The following FBXL17 variants were observed in gnomAD, a reference collection of about 807,000 sequenced individuals.
FBXL17 encodes F-box/LRR-repeat protein 17.
In FBXL17, 22 loss-of-function variants were observed where a neutral mutation model predicts 66.2. The observed-to-expected ratio is 0.33, with a 90% CI of 0.24 to 0.47. The LOEUF (loss-of-function observed/expected upper bound fraction) is 0.47. FBXL17 is among the 20% of genes least tolerant of loss of function. The probability of loss-of-function intolerance (pLI) is 1.00; values close to 1 mark genes in which losing one functional copy is unlikely to be tolerated. For synonymous variants in FBXL17, 474 were observed against 400.5 expected (o/e 1.18, Z -2.19); for missense variants, 878 against 948.2 (o/e 0.93, Z 0.97).
intron 4 of FBXL17, among the ~76,000 whole-genome samples, chr5:108,270,667 C>G (rs951763521): frequency 2.0e-5 from 3 of 151,672 alleles, no homozygotes; most frequent in Non-Finnish European, 4.4e-5. Context: ...GTTTCAAGTA[C>G]GTTAACAGTT....
At chr5:108,369,549 T>C (rs1032200852) in intron 1 of FBXL17, among the ~76,000 whole-genome samples, 2 of 152,230 alleles carry the variant, frequency 1.3e-5, no homozygotes, top group South Asian at 4.1e-4. Context: ...TGTACTATCA[T>C]TGCAATTTTT....
intron 7 of FBXL17, among the ~76,000 whole-genome samples, chr5:107,986,023 A>C (rs1224201062): frequency 6.6e-6 from 1 of 152,130 alleles, no homozygotes; most frequent in African/African-American, 2.4e-5. Flanking sequence ...AAACCTAACA[A>C]CTTAGAAAAG....
At chr5:108,306,415 G>A (rs191344569) in intron 4 of FBXL17, among the ~76,000 whole-genome samples, 221 of 152,142 alleles carry the variant, frequency 1.5e-3, no homozygotes, top group Non-Finnish European at 2.6e-3. Context: ...TTAAGAATAT[G>A]AATTTTGATG....
At chr5:108,366,131 G>A (rs529237059) in intron 2 of FBXL17, among the ~76,000 whole-genome samples, 1 of 152,070 alleles carries the variant, frequency 6.6e-6, no homozygotes, top group East Asian at 1.9e-4. Context: ...TAATTCATAG[G>A]TTGGAAAATA....
chr5:108,347,908 C>G (rs1747384958), intron 4 of FBXL17, among the ~76,000 whole-genome samples: 1 of 152,008 alleles, frequency 6.6e-6, no homozygotes, highest in Non-Finnish European at 1.5e-5. Flanking sequence ...CATGTATGTG[C>G]TTAAAATATA....
At chr5:107,940,624 T>C (rs1751059864) in intron 7 of FBXL17, among the ~76,000 whole-genome samples, 1 of 151,826 alleles carries the variant, frequency 6.6e-6, no homozygotes. Flanking sequence ...AGTTGGAGGG[T>C]GGGCGTGTAC....
At position 108,142,437 on chromosome 5, in the gene FBXL17, T is replaced by C. The variant is rs576641544; in HGVS notation, c.1745+43680A>G. Among the ~76,000 whole-genome samples the C allele has an allele frequency of 2.3e-3, 354 of 152,296 alleles. 5 individuals carry two copies. Among genetic ancestry groups the C allele is most frequent in the African/African-American group, 8.2e-3 (342 of 41,572 alleles). On this transcript the variant is annotated intron_variant, in intron 6 of 8. Transcript: ENST00000542267. ...AATAATAGAGTAAATGGTAAATCAG[T>C]TGGACTTGAATTTCTAGATGCTCCT...
intron 6 of FBXL17, among the ~76,000 whole-genome samples, chr5:108,050,168 A>T (rs1256743039): frequency 6.6e-6 from 1 of 152,238 alleles, no homozygotes; most frequent in East Asian, 1.9e-4. Context: ...TGTCAATATT[A>T]GATAGATTAA....
intron 6 of FBXL17, among the ~76,000 whole-genome samples, chr5:108,027,429 C>G (rs1314424789): frequency 6.6e-6 from 1 of 152,094 alleles, no homozygotes; most frequent in Non-Finnish European, 1.5e-5. Flanking sequence ...ACTAACTAAA[C>G]CTTACATAAC....
intron 4 of FBXL17, among the ~76,000 whole-genome samples, chr5:108,249,348 C>T (rs150089451): frequency 7.9e-5 from 12 of 152,188 alleles, no homozygotes; most frequent in East Asian, 3.9e-4. Flanking sequence ...GATATAAGAG[C>T]TCCGCACATT....
At chr5:107,938,769 A>T (rs112776208) in intron 7 of FBXL17, among the ~76,000 whole-genome samples, 10 of 152,236 alleles carry the variant, frequency 6.6e-5, no homozygotes, top group African/African-American at 2.4e-4. Context: ...CTTCTAGAAA[A>T]CAGCCAGATG....
chr5:108,002,421 T>G (rs989242328), intron 7 of FBXL17, among the ~76,000 whole-genome samples: 1 of 152,112 alleles, frequency 6.6e-6, no homozygotes, highest in African/African-American at 2.4e-5. Context: ...TCAACAGAGA[T>G]AGAAATGCTG....
chr5:108,207,035 A>G (rs962325378), intron 5 of FBXL17, among the ~76,000 whole-genome samples: 2 of 152,208 alleles, frequency 1.3e-5, no homozygotes, highest in African/African-American at 4.8e-5. Flanking sequence ...CATACCTATG[A>G]TACAGTTTAA....
At chr5:108,377,554 C>T (rs762577637) in intron 1 of FBXL17, among the ~76,000 whole-genome samples, 7 of 152,254 alleles carry the variant, frequency 4.6e-5, no homozygotes, top group Non-Finnish European at 1.0e-4. Context: ...CGCGAGAATG[C>T]TGTAGACTTG....
chr5:107,892,745 C>G (rs908684031), intron 7 of FBXL17, among the ~76,000 whole-genome samples: 12 of 152,134 alleles, frequency 7.9e-5, no homozygotes, highest in Admixed American at 3.3e-4. Flanking sequence ...AATTGTTTCT[C>G]CCTAACTGCA....
intron 7 of FBXL17, among the ~76,000 whole-genome samples, chr5:107,912,048 C>T (rs1448083704): frequency 6.6e-6 from 1 of 152,142 alleles, no homozygotes; most frequent in Non-Finnish European, 1.5e-5. Flanking sequence ...AAAATGGACA[C>T]TTTCTCATAC....
chr5:108,330,483 A>G lies in FBXL17; in HGVS notation c.1506+17916T>C, dbSNP rs554890051. Among the ~76,000 whole-genome samples, 5 of 152,354 alleles carry G rather than the reference A, an allele frequency of 3.3e-5. 1 individual carries two copies. The South Asian group carries it at 1.0e-3, about 32-fold the overall frequency. On this transcript the variant is annotated intron_variant, in intron 4 of 8. Coordinates refer to ENST00000542267, the MANE Select transcript of FBXL17 (RefSeq NM_001163315.3). The stretch of plus-strand genomic sequence containing the variant: ...TGTGAAACTTCTCAAACTACAACCC[A>G]AAACCTTCTAGGCCAACTGTTTTAT...
chr5:108,258,737 A>ATTT lies in FBXL17; in HGVS notation c.1507-34512_1507-34510dup, dbSNP rs759401052. Among the ~76,000 whole-genome samples the ATTT allele has an allele frequency of 2.4e-4, 29 of 122,864 alleles. 1 individual carries two copies. Among genetic ancestry groups the ATTT allele is most frequent in the African/African-American group, 7.0e-4 (23 of 32,986 alleles). The allele number at this position is 122,864 out of a possible 152,430, so 80.6% of individuals were successfully genotyped here. A position where few individuals can be genotyped will look rare whatever the true frequency, so the allele number is the denominator to read the frequency against. On this transcript the variant is annotated intron_variant, in intron 4 of 8. Transcript: ENST00000542267. ...GAAGTCAGGATAAATGGCCTTTAAC[A>ATTT]TTTTTTTTTTTTTTTTTTTTGCTAA...
chr5:108,055,314 G>C lies in FBXL17; in HGVS notation c.1746-34313C>G, dbSNP rs396976. On this transcript the variant is annotated intron_variant, in intron 6 of 8. Transcript: ENST00000542267. ...AAAAAAAAAAAAAAAAAAAAAAAAAGAAAAACGCTTCAGGCCGGGCACGGT... is the reference window on the plus strand; with the variant it reads ...AAAAAAAAAAAAAAAAAAAAAAAAACAAAAACGCTTCAGGCCGGGCACGGT... 1.1e-3 allele frequency among the ~76,000 whole-genome samples: 48 copies of C among 43,820 alleles called. 3 individuals are homozygous for C. The highest frequency in any genetic ancestry group is 1.8e-3 in the Non-Finnish European group (43 of 23,298). The allele number at this position is 43,820 out of a possible 152,430, so 28.7% of individuals were successfully genotyped here. A position where few individuals can be genotyped will look rare whatever the true frequency, so the allele number is the denominator to read the frequency against.
Sources: allele counts gnomAD v4.1 joint callset (sites outside exome capture counted in the v4.1 genomes callset), GRCh38; gene constraint gnomAD v4.1.1; transcripts MANE v1.5; gene names NCBI Gene and HGNC (gene_info 2026-07-23, HGNC 2026-07-21).